The following MICU2 variants were observed in gnomAD, a reference collection of about 807,000 sequenced individuals.
The protein encoded by MICU2 is mitochondrial calcium uptake 2.
Under a neutral mutation model 60.4 loss-of-function variants are expected in MICU2, and 64 were observed. The observed-to-expected ratio is 1.06, with a 90% CI of 0.87 to 1.31. MICU2 has a LOEUF of 1.31. Among genes scored for constraint, MICU2 ranks in the 50% most tolerant of loss-of-function variants. The pLI is 0.00. For synonymous variants in MICU2, 201 were observed against 175.0 expected (o/e 1.15, Z -1.17); for missense variants, 569 against 531.0 (o/e 1.07, Z -0.70).
chr13:21,578,620 T>A lies in MICU2; in HGVS notation c.211-11676A>T, dbSNP rs552076052. 2.6e-5 allele frequency among the ~76,000 whole-genome samples: 4 copies of A among 152,216 alleles called. No homozygotes were observed. In the East Asian group the frequency reaches 5.8e-4, roughly 22 times the overall value. On this transcript the variant is annotated intron_variant, in intron 1 of 11. Transcript: ENST00000382374. ...TCAAAAAAAAAAAAATATTTTAGTC[T>A]GTGAACCAATATGCAAAAGTGGGTT...
intron 8 of MICU2, among the ~76,000 whole-genome samples, chr13:21,507,873 G>C (rs1223819186): frequency 6.6e-6 from 1 of 151,666 alleles, no homozygotes; most frequent in African/African-American, 2.4e-5. Context: ...AAAGTGCTGG[G>C]ATACAGACAT....
At chr13:21,546,215 TAAAA>T (rs1354055248) in intron 2 of MICU2, among the ~76,000 whole-genome samples, 3 of 151,516 alleles carry the variant, frequency 2.0e-5, no homozygotes, top group African/African-American at 7.3e-5. Context: ...GGTTATTCCC[TAAAA>T]TGCCTAAAAC....
intron 1 of MICU2, among the ~76,000 whole-genome samples, chr13:21,586,318 T>C (rs1888455478): frequency 6.6e-6 from 1 of 152,340 alleles, no homozygotes; most frequent in Middle Eastern, 3.4e-3. Context: ...ATAATCAGCT[T>C]CTAGAATTTA....
chr13:21,583,562 T>C lies in MICU2; in HGVS notation c.211-16618A>G, dbSNP rs80031428. Among the ~76,000 whole-genome samples the C allele has an allele frequency of 2.5e-3, 387 of 152,328 alleles. 3 individuals carry two copies. Among genetic ancestry groups the C allele is most frequent in the African/African-American group, 8.4e-3 (351 of 41,574 alleles). On this transcript the variant is annotated intron_variant, in intron 1 of 11. Coordinates refer to ENST00000382374, the MANE Select transcript of MICU2 (RefSeq NM_152726.3). ...GTAGGCTGCTGGATCAGTTATCATC[T>C]GATAATTAAATGAGCCTTTGGGAAG...
intron 2 of MICU2, among the ~76,000 whole-genome samples, chr13:21,551,585 C>A: frequency 9.5e-6 from 1 of 105,550 alleles, no homozygotes. Context: ...TATCCCTCCC[C>A]CCTCCCCCCA....
intron 2 of MICU2, among the ~76,000 whole-genome samples, chr13:21,557,331 C>T (rs912395788): frequency 6.6e-5 from 10 of 152,040 alleles, no homozygotes; most frequent in African/African-American, 9.7e-5. Flanking sequence ...TAGAAAAGAA[C>T]GTAAAGAAGG....
chr13:21,500,904 G>A (rs943928888), intron 9 of MICU2, among the ~76,000 whole-genome samples: 7 of 152,026 alleles, frequency 4.6e-5, no homozygotes, highest in African/African-American at 7.3e-5. Context: ...AAGGTTTTGG[G>A]TTTTGCTTAG....
chr13:21,586,109 G>C (rs1390600696), intron 1 of MICU2, among the ~76,000 whole-genome samples: 1 of 152,072 alleles, frequency 6.6e-6, no homozygotes, highest in East Asian at 1.9e-4. Flanking sequence ...CATAATTGTT[G>C]CATCTCAGCT....
intron 7 of MICU2, 64 bp downstream of exon 7, chr13:21,514,289 T>G (rs1410206590): frequency 2.0e-5 from 27 of 1,362,722 alleles, no homozygotes; most frequent in Non-Finnish European, 2.8e-5. Context: ...ATCGGGAATA[T>G]CTGAACAAAC....
At chr13:21,551,000 T>A (rs113677833) in intron 2 of MICU2, among the ~76,000 whole-genome samples, 273 of 152,316 alleles carry the variant, frequency 1.8e-3, no homozygotes, top group Non-Finnish European at 3.1e-3. Flanking sequence ...ACTCCAACTA[T>A]CCTTTGATCT....
intron 9 of MICU2, among the ~76,000 whole-genome samples, chr13:21,501,359 T>A (rs1230699487): frequency 6.6e-6 from 1 of 151,808 alleles, no homozygotes; most frequent in African/African-American, 2.4e-5. Flanking sequence ...GCCTCCAGGG[T>A]TCACACTATT....
At chr13:21,521,144 G>A in intron 6 of MICU2, 101 bp downstream of exon 6, 2 of 950,000 alleles carry the variant, frequency 2.1e-6, no homozygotes, top group Admixed American at 2.8e-5. Context: ...TAGTTCATAT[G>A]TAAACAATGA....
At chr13:21,510,469 T>G (rs949308676) in intron 7 of MICU2, among the ~76,000 whole-genome samples, 3 of 152,220 alleles carry the variant, frequency 2.0e-5, no homozygotes, top group Admixed American at 6.5e-5. Flanking sequence ...CAAGAAAGTC[T>G]TTGAGCTTTT....
chr13:21,549,310 A>G (rs1472525298), intron 2 of MICU2, among the ~76,000 whole-genome samples: 1 of 152,156 alleles, frequency 6.6e-6, no homozygotes, highest in Non-Finnish European at 1.5e-5. Context: ...ATCACATTAG[A>G]TAATTGATAC....
chr13:21,549,714 T>C (rs960452716), intron 2 of MICU2, among the ~76,000 whole-genome samples: 1 of 152,228 alleles, frequency 6.6e-6, no homozygotes. Context: ...ATTCCTGTGG[T>C]GTCTCTCTAA....
chr13:21,506,557 C>G (rs989757666), intron 8 of MICU2, among the ~76,000 whole-genome samples: 8 of 152,212 alleles, frequency 5.3e-5, no homozygotes, highest in African/African-American at 1.9e-4. Context: ...CATTTTCACT[C>G]TCTTTTCTGT....
intron 4 of MICU2, among the ~76,000 whole-genome samples, chr13:21,526,113 CTTTTTTTTT>C (rs34999871): frequency 9.6e-4 from 106 of 110,592 alleles, no homozygotes; most frequent in African/African-American, 3.5e-3. Flanking sequence ...AATTAAAATA[CTTTTTTTTT>C]TTTTTTTTTT....
chr13:21,504,667 A>AT lies in MICU2; in HGVS notation c.762-1571dup, dbSNP rs975608632. 9.2e-5 allele frequency among the ~76,000 whole-genome samples: 14 copies of AT among 152,172 alleles called. 1 individual carries two copies. The highest frequency in any genetic ancestry group is 7.9e-4 in the Admixed American group (12 of 15,276). On this transcript the variant is annotated intron_variant, in intron 8 of 11. Coordinates refer to ENST00000382374, the MANE Select transcript of MICU2 (RefSeq NM_152726.3). ...ACATTGTGAACAAATTACATACTTT[A>AT]TAAATTAGTGGGTTAATTGGAAACA...
intron 8 of MICU2, among the ~76,000 whole-genome samples, chr13:21,507,875 T>C (rs1886328153): frequency 1.3e-5 from 2 of 152,010 alleles, no homozygotes; most frequent in South Asian, 4.1e-4. Flanking sequence ...AGTGCTGGGA[T>C]ACAGACATGA....
Sources: gnomAD v4.1 joint callset for allele counts (sites outside exome capture counted in the v4.1 genomes callset) on GRCh38, gnomAD v4.1.1 for gene constraint, MANE v1.5 for transcripts, NCBI Gene and HGNC (gene_info 2026-07-23, HGNC 2026-07-21) for gene names.